The following NAV1 variants were observed in gnomAD, a reference collection of about 807,000 sequenced individuals.
NAV1 encodes the protein neuron navigator 1, also known as pore membrane and/or filament interacting like protein 3.
A neutral mutation model predicts 175.2 loss-of-function variants in NAV1; 18 were observed. That is an observed-to-expected ratio of 0.10 (90% CI 0.07 to 0.15). The LOEUF is 0.15. Among genes scored for constraint, NAV1 ranks in the 10% least tolerant of loss-of-function variants. NAV1 has a pLI of 1.00. For missense variants in NAV1, 1,731 were observed against 2,436.6 expected (o/e 0.71, Z 6.10); for synonymous variants, 897 against 978.7 (o/e 0.92, Z 1.56).
chr1:201,609,851 TAG>T (rs1041392438), intron 2 of NAV1, among the ~76,000 whole-genome samples: 3 of 151,476 alleles, frequency 2.0e-5, no homozygotes, highest in East Asian at 1.9e-4. Context: ...TGTATATATA[TAG>T]AGAGAGAGAG....
chr1:201,726,957 A>G (rs1416534799), intron 3 of NAV1, among the ~76,000 whole-genome samples: 1 of 152,232 alleles, frequency 6.6e-6, no homozygotes, highest in Non-Finnish European at 1.5e-5. Context: ...GAAGGCTCAC[A>G]GCTAGGCTGC....
chr1:201,543,853 C>T lies in NAV1; in HGVS notation c.-144+4511C>T, dbSNP rs1054105121. ...TCCCCTTCCCTCCTCCCCAAGGCCC[C>T]GGCAACCGCCATTTTACTTCCCATC... On this transcript the variant is annotated intron_variant, in intron 1 of 33. Coordinates refer to the NAV1 transcript ENST00000685211. Among the ~76,000 whole-genome samples the T allele has an allele frequency of 2.0e-5, 3 of 152,312 alleles. No homozygotes were observed. In the South Asian group the frequency reaches 6.2e-4, roughly 32 times the overall value.
intron 3 of NAV1, among the ~76,000 whole-genome samples, 161 bp from the exon 8 acceptor site, chr1:201,780,260 C>T (rs1444382723): frequency 6.6e-6 from 1 of 152,184 alleles, no homozygotes; most frequent in Non-Finnish European, 1.5e-5. Flanking sequence ...AAGTTTAAGT[C>T]ACACTTTGAG....
intron 1 of NAV1, among the ~76,000 whole-genome samples, chr1:201,679,915 A>G (rs1002390154): frequency 4.6e-5 from 7 of 152,200 alleles, no homozygotes; most frequent in Non-Finnish European, 8.8e-5. Flanking sequence ...TCCCCCATTT[A>G]TTCAGTGATT....
intron 1 of NAV1, among the ~76,000 whole-genome samples, chr1:201,582,403 C>T (rs1666895105): frequency 6.6e-6 from 1 of 152,150 alleles, no homozygotes; most frequent in South Asian, 2.1e-4. Flanking sequence ...ATGGGAAGGG[C>T]TGGGCCTCCA....
In NAV1 at chr1:201,802,043, A is replaced by G. The variant is rs899321726; in HGVS notation, c.3518-1550A>G. 6.6e-3 allele frequency among the ~76,000 whole-genome samples: 956 copies of G among 145,366 alleles called. 9 individuals carry two copies. The highest frequency in any genetic ancestry group is 0.023 in the African/African-American group (917 of 40,054). On this transcript the variant is annotated intron_variant, in intron 15 of 29. Transcript: ENST00000367296. ...TCCCAGCTACTTGGGAGGCTGAGGC[A>G]GGAGAATGGCGTGAACCCGGGAGGC...
At chr1:201,600,354 C>T (rs183865970) in intron 2 of NAV1, among the ~76,000 whole-genome samples, 2 of 152,348 alleles carry the variant, frequency 1.3e-5, no homozygotes, top group Non-Finnish European at 2.9e-5. Context: ...ACCCCAACGA[C>T]TTCTCCTTTT....
Position 201,740,190 on chromosome 1 carries a change from G to T in NAV1, c.1226+21435G>T, listed in dbSNP as rs1234897043. The T allele has an allele frequency of 8.0e-6, 7 of 869,584 alleles. No individual in the cohort carries two copies. Among genetic ancestry groups the T allele is most frequent in the Non-Finnish European group, 1.2e-5 (7 of 594,986 alleles). The allele number at this position is 869,584 out of a possible 1,614,324, so 53.9% of individuals were successfully genotyped here. Reference sequence around the variant, plus strand: ...GTTCCGCCGCAGCTGCAGTCTCAGGGGCAGTGGGTGTGGGGTCCGCAAGAA... The same window carrying T: ...GTTCCGCCGCAGCTGCAGTCTCAGGTGCAGTGGGTGTGGGGTCCGCAAGAA... On this transcript the variant is annotated intron_variant, in intron 3 of 29. Coordinates refer to ENST00000367296, the Ensembl canonical transcript of NAV1. The surrounding 1 kb of genome is among the most constrained non-coding windows in gnomAD (Gnocchi z 4.7).
intron 3 of NAV1, among the ~76,000 whole-genome samples, chr1:201,759,816 A>G (rs1286449916): frequency 6.6e-6 from 1 of 152,130 alleles, no homozygotes; most frequent in South Asian, 2.1e-4. Context: ...AAATTCTCCT[A>G]CCTTCTCGTG....
chr1:201,762,138 G>T (rs1047649535), intron 3 of NAV1, among the ~76,000 whole-genome samples: 4 of 152,196 alleles, frequency 2.6e-5, no homozygotes, highest in Admixed American at 1.3e-4. Flanking sequence ...CCAGTTAGGT[G>T]ACAGAGTGAG....
chr1:201,770,627 T>C (rs566123185), intron 3 of NAV1, among the ~76,000 whole-genome samples: 4 of 152,330 alleles, frequency 2.6e-5, no homozygotes, highest in African/African-American at 9.6e-5. Context: ...ATGGAATACA[T>C]GGCTGTTTTC....
chr1:201,765,703 A>C (rs1675175115), intron 3 of NAV1, among the ~76,000 whole-genome samples: 1 of 152,042 alleles, frequency 6.6e-6, no homozygotes, highest in Admixed American at 6.6e-5. Flanking sequence ...CCCAGGAAAT[A>C]TTTACAAAAT....
intron 1 of NAV1, among the ~76,000 whole-genome samples, chr1:201,557,409 G>T (rs1396903043): frequency 6.6e-6 from 1 of 152,242 alleles, no homozygotes; most frequent in Non-Finnish European, 1.5e-5. Context: ...ACACATGCAA[G>T]GAATTAGGGG....
chr1:201,592,130 G>A (rs2102215009), intron 2 of NAV1, among the ~76,000 whole-genome samples: 1 of 152,262 alleles, frequency 6.6e-6, no homozygotes, highest in Admixed American at 6.5e-5. Flanking sequence ...GTGGGAAGCT[G>A]CCCCACCTGC....
At chr1:201,649,564 A>G (rs1432482335) in intron 1 of NAV1, 139 bp downstream of exon 5, 1 of 1,360,614 alleles carries the variant, frequency 7.3e-7, no homozygotes, top group Non-Finnish European at 9.7e-7. Context: ...TGTGATGGGC[A>G]TTGCGCCCAG....
chr1:201,820,254 G>A (rs1398203921), exon 30 of NAV1: 1 of 221,870 alleles, frequency 4.5e-6, no homozygotes, highest in Non-Finnish European at 8.9e-6. Flanking sequence ...GGCTTTCTGG[G>A]GAGGGGTTCA....
intron 2 of NAV1, among the ~76,000 whole-genome samples, chr1:201,637,826 T>G (rs1558029291): frequency 6.6e-6 from 1 of 152,040 alleles, no homozygotes; most frequent in Non-Finnish European, 1.5e-5. Context: ...TCTGGGTGGG[T>G]CATGGTCTAA....
intron 3 of NAV1, among the ~76,000 whole-genome samples, chr1:201,738,705 A>C (rs1189108905): frequency 6.6e-6 from 1 of 152,156 alleles, no homozygotes; most frequent in Admixed American, 6.5e-5. Flanking sequence ...TTAAGAGAAC[A>C]CATGTGACCT....
At position 201,820,028 on chromosome 1, in the gene NAV1, T is replaced by C. The variant is rs1312345840; in HGVS notation, c.*96T>C. On this transcript the variant is annotated 3_prime_UTR_variant, in exon 30 of 30. Coordinates refer to ENST00000367296, the Ensembl canonical transcript of NAV1. ...CTCTCCTCTTTCAGAGCACTGGCTC[T>C]CCAGCCCCAGGAGGAGAACAGGAGG... is the stretch of plus-strand genomic sequence containing the variant. 16 of 1,179,532 alleles carry C rather than the reference T, an allele frequency of 1.4e-5. No homozygotes were observed. The Admixed American group carries it at 2.9e-4, about 21-fold the overall frequency. The allele number at this position is 1,179,532 out of a possible 1,614,324, so 73.1% of individuals were successfully genotyped here.
Sources: allele counts gnomAD v4.1 joint callset (sites outside exome capture counted in the v4.1 genomes callset), GRCh38; gene constraint gnomAD v4.1.1; non-coding constraint Gnocchi (gnomAD v3.1); transcripts MANE v1.5; gene names NCBI Gene and HGNC (gene_info 2026-07-23, HGNC 2026-07-21).